The following RNF150 variants were observed in gnomAD, a reference collection of about 807,000 sequenced individuals.
RNF150 encodes the protein ring finger protein 150.
In RNF150, 24 loss-of-function variants were observed where a neutral mutation model predicts 39.3. The ratio of observed to expected loss-of-function variants is 0.61; its 90% CI spans 0.44 to 0.86. The LOEUF is 0.86. Ranked by LOEUF, RNF150 falls within the 40% of genes least tolerant of loss-of-function variation. RNF150 has a pLI of 0.00. For missense variants in RNF150, 502 were observed against 587.8 expected (o/e 0.85, Z 1.51); for synonymous variants, 255 against 227.3 (o/e 1.12, Z -1.10).
chr4:141,005,338 G>C (rs59074378), intron 1 of RNF150, among the ~76,000 whole-genome samples: 22,743 of 152,144 alleles, frequency 0.15, 1,909 homozygotes, highest in Middle Eastern at 0.24. Flanking sequence ...ATGTGGATGA[G>C]GTTGAACAGG....
At chr4:140,989,413 G>T (rs961016540) in intron 1 of RNF150, among the ~76,000 whole-genome samples, 1 of 152,056 alleles carries the variant, frequency 6.6e-6, no homozygotes, top group East Asian at 1.9e-4. Flanking sequence ...CTACTTCTGG[G>T]AGCTGGCCAA....
At chr4:141,042,478 T>C (rs1304299907) in intron 1 of RNF150, among the ~76,000 whole-genome samples, 2 of 152,090 alleles carry the variant, frequency 1.3e-5, no homozygotes, top group Non-Finnish European at 2.9e-5. Flanking sequence ...TTGGTCTTCC[T>C]TCCTTGAGGC....
chr4:140,991,228 T>C (rs1331417784), intron 1 of RNF150, among the ~76,000 whole-genome samples: 1 of 152,232 alleles, frequency 6.6e-6, no homozygotes, highest in East Asian at 1.9e-4. Context: ...TTAAGTTCCT[T>C]GTAGATTCTG....
chr4:141,010,989 G>A (rs1022522548), intron 1 of RNF150, among the ~76,000 whole-genome samples: 7 of 151,942 alleles, frequency 4.6e-5, no homozygotes, highest in East Asian at 1.9e-4. Context: ...CTTATAATAC[G>A]TATAACAATG....
rs3733478 is a variant in RNF150 at position 140,862,473 on chromosome 4, G to A, written c.*5788C>T. ...AAGCAGGATTGCAATCAAATTGCTC[G>A]ATATTAAGGGGCCACGTCTAGCATC... On this transcript the variant is annotated 3_prime_UTR_variant, in exon 7 of 7. Coordinates refer to ENST00000515673, the MANE Select transcript of RNF150 (RefSeq NM_020724.2). 0.082 allele frequency: 12,448 copies of A among 152,214 alleles called. 841 individuals are homozygous for A. Among genetic ancestry groups the A allele is most frequent in the East Asian group, 0.4 (2,074 of 5,166 alleles). 9.4% of individuals were successfully genotyped at this position (152,214 alleles called of 1,614,324 possible).
chr4:140,985,985 C>T (rs1360544392), intron 1 of RNF150, among the ~76,000 whole-genome samples: 1 of 152,026 alleles, frequency 6.6e-6, no homozygotes, highest in African/African-American at 2.4e-5. Context: ...AACACCCTCT[C>T]CACTAAAGGA....
At chr4:140,874,371 G>A (rs11730663) in intron 6 of RNF150, among the ~76,000 whole-genome samples, 55,389 of 151,982 alleles carry the variant, frequency 0.36, 11,711 homozygotes, top group Non-Finnish European at 0.48. Flanking sequence ...CCTGGCTCAA[G>A]CTCATTCCAT....
At chr4:141,045,741 A>T (rs1162024940) in intron 1 of RNF150, among the ~76,000 whole-genome samples, 1 of 151,914 alleles carries the variant, frequency 6.6e-6, no homozygotes, top group East Asian at 1.9e-4. Context: ...ACGGGGTTTC[A>T]CCATGTTGGC....
Position 140,911,178 on chromosome 4 carries a change from G to A in RNF150, c.1164C>T (p.Ile388=), listed in dbSNP as rs765435950. 33 of 1,614,148 alleles carry A rather than the reference G, an allele frequency of 2.0e-5. No individual in the cohort carries two copies. The highest frequency in any genetic ancestry group is 2.8e-5 in the Non-Finnish European group (33 of 1,180,000). Residue 388 remains isoleucine (I), a synonymous_variant, in exon 6 of 7, where the codon ATC becomes ATT. Transcript: ENST00000515673. ...ALQVVQDTDP[I]PQEGDVIFTT... Reference sequence around the variant, plus strand: ...TAAAGATGACGTCTCCCTCCTGGGGGATGGGGTCTGTATCCTGGACCACCT... The same window carrying A: ...TAAAGATGACGTCTCCCTCCTGGGGAATGGGGTCTGTATCCTGGACCACCT...
intron 1 of RNF150, among the ~76,000 whole-genome samples, chr4:140,995,666 C>A (rs899034732): frequency 6.6e-6 from 1 of 152,166 alleles, no homozygotes; most frequent in Non-Finnish European, 1.5e-5. Flanking sequence ...CCTCCTATCT[C>A]ATCTCCATGA....
chr4:141,174,119 C>T (rs908634757), intron 1 of RNF150, among the ~76,000 whole-genome samples: 1 of 152,186 alleles, frequency 6.6e-6, no homozygotes, highest in Non-Finnish European at 1.5e-5. Context: ...TGGGCATATG[C>T]TACCCAAAAT....
chr4:141,184,961 T>A (rs150396070), intron 1 of RNF150, among the ~76,000 whole-genome samples: 1 of 152,056 alleles, frequency 6.6e-6, no homozygotes, highest in Non-Finnish European at 1.5e-5. Flanking sequence ...GGTAGCCTGA[T>A]GCCTCCAGCT....
In RNF150 at chr4:141,121,756, G is replaced by A. The variant is rs535058324; in HGVS notation, c.484+10569C>T. Among the ~76,000 whole-genome samples, 8 of 151,856 alleles carry A rather than the reference G, an allele frequency of 5.3e-5. No individual in the cohort carries two copies. In the South Asian group the frequency reaches 1.7e-3, roughly 32 times the overall value. On this transcript the variant is annotated intron_variant, in intron 1 of 6. Transcript: ENST00000515673. ...ATAATTTCGATCCTTATAGTTCTCG[G>A]GAAATTTAAAAAAAATTAAAATTTT...
intron 4 of RNF150, among the ~76,000 whole-genome samples, chr4:140,936,907 A>G (rs746656457): frequency 1.1e-4 from 16 of 152,274 alleles, no homozygotes; most frequent in African/African-American, 3.6e-4. Context: ...TTACCTTTAT[A>G]TTTGGCTATC....
At chr4:141,089,225 T>C (rs1738482112) in intron 1 of RNF150, among the ~76,000 whole-genome samples, 1 of 151,534 alleles carries the variant, frequency 6.6e-6, no homozygotes. Flanking sequence ...ACCATGGGAT[T>C]TGGTGGGCTC....
At chr4:140,888,849 C>A (rs1269887240) in intron 6 of RNF150, among the ~76,000 whole-genome samples, 2 of 152,114 alleles carry the variant, frequency 1.3e-5, no homozygotes, top group Non-Finnish European at 2.9e-5. Context: ...TCAAAGAAAT[C>A]CTTAATAAAA....
chr4:141,093,937 G>C (rs1738685142), intron 1 of RNF150, among the ~76,000 whole-genome samples: 1 of 152,156 alleles, frequency 6.6e-6, no homozygotes, highest in African/African-American at 2.4e-5. Context: ...GGCTATAAAA[G>C]TTGACTAAAC....
intron 1 of RNF150, among the ~76,000 whole-genome samples, chr4:141,126,538 C>T (rs1726760595): frequency 6.6e-6 from 1 of 152,154 alleles, no homozygotes; most frequent in Non-Finnish European, 1.5e-5. Flanking sequence ...TGCACTGTGA[C>T]CTTGGGGTTG....
At position 141,060,451 on chromosome 4, in the gene RNF150, A is replaced by G. The variant is rs940405228; in HGVS notation, c.484+71874T>C. On this transcript the variant is annotated intron_variant, in intron 1 of 6. Coordinates refer to ENST00000515673, the MANE Select transcript of RNF150 (RefSeq NM_020724.2). ...GCAAGACTCTGTCCCTAAAAAAACT[A>G]AAAAGAAAAAAGAAAATAAAAGAAA... 1.7e-4 allele frequency among the ~76,000 whole-genome samples: 26 copies of G among 152,326 alleles called. No individual in the cohort carries two copies. In the East Asian group the frequency reaches 4.8e-3, roughly 28 times the overall value.
Sources: allele counts gnomAD v4.1 joint callset (sites outside exome capture counted in the v4.1 genomes callset), GRCh38; gene constraint gnomAD v4.1.1; transcripts MANE v1.5; gene names NCBI Gene and HGNC (gene_info 2026-07-23, HGNC 2026-07-21).